Variants in CASS4 observed in about 807,000 individuals in gnomAD.
CASS4 encodes Cas scaffold protein family member 4.
In CASS4, 22 loss-of-function variants were observed where a neutral mutation model predicts 54.2. The observed-to-expected ratio is 0.41, with a 90% CI of 0.29 to 0.58. The LOEUF is 0.58. Ranked by LOEUF, CASS4 falls within the 20% of genes least tolerant of loss-of-function variation. The pLI is 0.36. For synonymous variants in CASS4, 409 were observed against 391.5 expected, an observed-to-expected ratio of 1.04 and a Z score of -0.53; for missense variants, 854 against 986.7, an observed-to-expected ratio of 0.87 and a Z score of 1.80.
At chr20:56,441,705 A>G (rs1308731123) in intron 2 of CASS4, among the ~76,000 whole-genome samples, 1 of 152,152 alleles carries the variant, frequency 6.6e-6, no homozygotes, top group Non-Finnish European at 1.5e-5. Flanking sequence ...GTGCCATCTC[A>G]TTTGGCTTCT....
chr20:56,444,472 G>C (rs1343713316), intron 2 of CASS4, among the ~76,000 whole-genome samples: 8 of 152,140 alleles, frequency 5.3e-5, no homozygotes, highest in Non-Finnish European at 7.3e-5. Flanking sequence ...CCTATATTCA[G>C]ACCTCATTTC....
rs768947672 is a variant in CASS4, at chr20:56,445,892, T to C, written c.460-8T>C. On this transcript the variant is annotated splice_region_variant and splice_polypyrimidine_tract_variant and intron_variant, in intron 2 of 5. Transcript: ENST00000679887. ...CCTTTTCCTCTTTTCTCCTCCTTTC[T>C]CTCCAAGGCCATCCTCACGCTTCCC... is the stretch of plus-strand genomic sequence containing the variant. The C allele has an allele frequency of 6.2e-7, 1 of 1,605,634 alleles. No individual in the cohort carries two copies. The highest frequency in any genetic ancestry group is 2.2e-5 in the East Asian group (1 of 44,842).
Position 56,445,891 on chromosome 20 carries a change from C to G in CASS4, c.460-9C>G. ...TCCTTTTCCTCTTTTCTCCTCCTTT[C>G]TCTCCAAGGCCATCCTCACGCTTCC... On this transcript the variant is annotated splice_polypyrimidine_tract_variant and intron_variant, in intron 2 of 5. Transcript: ENST00000679887. The G allele has an allele frequency of 6.2e-7, 1 of 1,602,690 alleles. No individual in the cohort carries two copies. The highest frequency in any genetic ancestry group is 8.5e-7 in the Non-Finnish European group (1 of 1,170,022).
At chr20:56,440,988 A>ATT (rs751312557) in intron 2 of CASS4, among the ~76,000 whole-genome samples, 8 of 134,912 alleles carry the variant, frequency 5.9e-5, no homozygotes, top group Non-Finnish European at 7.9e-5. Context: ...AAAAAAAAAA[A>ATT]TTTTTTTTTT....
chr20:56,423,718 T>C lies in CASS4; in HGVS notation c.36+11224T>C, dbSNP rs567613648. The stretch of plus-strand genomic sequence containing the variant: ...CACCACCATGCCCGGCTAATTTTTG[T>C]ATTTTTAGTAGAGTCGGGGTTTCAC... On this transcript the variant is annotated intron_variant, in intron 1 of 5. Coordinates refer to ENST00000679887, the MANE Select transcript of CASS4 (RefSeq NM_020356.4). 3.9e-5 allele frequency among the ~76,000 whole-genome samples: 6 copies of C among 152,212 alleles called. No individual in the cohort carries two copies. The East Asian group carries it at 1.2e-3, about 29-fold the overall frequency.
chr20:56,454,943 G>T (rs1325743103), intron 5 of CASS4, among the ~76,000 whole-genome samples: 1 of 152,184 alleles, frequency 6.6e-6, no homozygotes, highest in East Asian at 1.9e-4. Context: ...TGAAAGTGAA[G>T]CATTAACCAT....
At chr20:56,431,583 A>G (rs1416924555) in intron 1 of CASS4, among the ~76,000 whole-genome samples, 1 of 152,220 alleles carries the variant, frequency 6.6e-6, no homozygotes, top group Non-Finnish European at 1.5e-5. Context: ...TCATATATCA[A>G]GAATAAGACT....
Position 56,437,118 on chromosome 20 carries a change from G to A in CASS4, c.37-46G>A. On this transcript the variant is annotated intron_variant, in intron 1 of 5. Coordinates refer to ENST00000679887, the MANE Select transcript of CASS4 (RefSeq NM_020356.4). This position sits in a 1 kb window ranked among gnomAD's most constrained non-coding sequence, Gnocchi z 4.7. ...AGTGGGATTGGAGTAGCAGTCACTG[G>A]CCACGGTGCTAACTGCAAATTCTCT... The A allele has an allele frequency of 6.8e-7, 1 of 1,478,484 alleles. No homozygotes were observed. Among genetic ancestry groups the A allele is most frequent in the Non-Finnish European group, 9.1e-7 (1 of 1,099,778 alleles). The allele number at this position is 1,478,484 out of a possible 1,614,324, so 91.6% of individuals were successfully genotyped here. A position where few individuals can be genotyped will look rare whatever the true frequency, so the allele number is the denominator to read the frequency against.
chr20:56,453,195 A>G, intron 5 of CASS4, 66 bp downstream of exon 5: 1 of 1,156,234 alleles, frequency 8.6e-7, no homozygotes, highest in Non-Finnish European at 1.2e-6. Context: ...GTGGCTACTA[A>G]GATGCTGAGA....
At chr20:56,436,334 A>ATGTG (rs1188295800) in intron 1 of CASS4, among the ~76,000 whole-genome samples, 15 of 138,740 alleles carry the variant, frequency 1.1e-4, no homozygotes, top group Non-Finnish European at 1.9e-4. Flanking sequence ...ATTGCTATAT[A>ATGTG]TATGTGTGTG....
intron 1 of CASS4, among the ~76,000 whole-genome samples, chr20:56,418,714 G>A (rs187555509): frequency 7.4e-4 from 113 of 152,266 alleles, no homozygotes; most frequent in African/African-American, 2.7e-3. Context: ...GTGGGGAGTG[G>A]TTGTGAGCAG....
At chr20:56,424,429 G>A (rs530117301) in intron 1 of CASS4, among the ~76,000 whole-genome samples, 1 of 152,160 alleles carries the variant, frequency 6.6e-6, no homozygotes, top group African/African-American at 2.4e-5. Context: ...TGCAATTCAT[G>A]GGGGAAAAGA....
At chr20:56,426,763 A>G (rs998842238) in intron 1 of CASS4, among the ~76,000 whole-genome samples, 3 of 152,016 alleles carry the variant, frequency 2.0e-5, no homozygotes, top group African/African-American at 7.2e-5. Context: ...TTTTTGGTAG[A>G]GATGAGGTTT....
intron 1 of CASS4, among the ~76,000 whole-genome samples, chr20:56,428,684 T>G (rs1979756396): frequency 6.6e-6 from 1 of 152,218 alleles, no homozygotes; most frequent in South Asian, 2.1e-4. Flanking sequence ...ACCAGCTCTT[T>G]CTGGATTTGC....
chr20:56,418,787 C>T lies in CASS4; in HGVS notation c.36+6293C>T, dbSNP rs2146263212. 1.3e-5 allele frequency among the ~76,000 whole-genome samples: 2 copies of T among 152,304 alleles called. 1 individual carries two copies. Among genetic ancestry groups the T allele is most frequent in the Admixed American group, 1.3e-4 (2 of 15,292 alleles). On this transcript the variant is annotated intron_variant, in intron 1 of 5. Coordinates refer to ENST00000679887, the MANE Select transcript of CASS4 (RefSeq NM_020356.4). ...ATGTGTGTTACGTTTGATTCAGGAA[C>T]ACAATGTACCTTTCATTCCGTCAAC...
intron 1 of CASS4, among the ~76,000 whole-genome samples, chr20:56,422,069 C>T (rs948316254): frequency 5.9e-5 from 9 of 152,198 alleles, no homozygotes; most frequent in African/African-American, 2.2e-4. Context: ...TTACTTGCCT[C>T]CTCCTTCGGT....
Position 56,451,851 on chromosome 20 carries a change from C to A in CASS4, c.675C>A (p.Thr225=). 1 of 1,613,746 alleles carries A rather than the reference C, an allele frequency of 6.2e-7. No homozygotes were observed. Among genetic ancestry groups the A allele is most frequent in the Non-Finnish European group, 8.5e-7 (1 of 1,179,704 alleles). ...GTGTTCCCCTGATATCAGTGACTAC[C>A]TTAAGAAGAGGCGGTTACAGCACAT... is the stretch of plus-strand genomic sequence containing the variant. ...GQGVPLISVT[T]LRRGGYSTLP... Residue 225 remains threonine (T), a synonymous_variant, in exon 5 of 6, where the codon ACC becomes ACA. Transcript: ENST00000679887.
In CASS4 at chr20:56,452,650, G is replaced by C. The variant is rs866071361; in HGVS notation, c.1474G>C (p.Glu492Gln). The C allele has an allele frequency of 6.2e-7, 1 of 1,614,194 alleles. No individual in the cohort carries two copies. Among genetic ancestry groups the C allele is most frequent in the African/African-American group, 1.3e-5 (1 of 75,048 alleles). The part of the protein sequence containing the change: ...STDHIEESVR[E>Q]FLDFARGVHG... ...TGATCACATAGAAGAATCTGTAAGA[G>C]AATTTCTGGATTTTGCCCGAGGAGT... Residue 492 changes from glutamate (E) to glutamine (Q), a missense_variant, in exon 5 of 6, where the codon GAA becomes CAA. Glu to Gln is a conservative substitution (Grantham distance 29, BLOSUM62 2). Coordinates refer to ENST00000679887, the MANE Select transcript of CASS4 (RefSeq NM_020356.4).
intron 1 of CASS4, among the ~76,000 whole-genome samples, chr20:56,427,155 T>C (rs1049911051): frequency 1.5e-5 from 2 of 137,008 alleles, no homozygotes; most frequent in Non-Finnish European, 3.1e-5. Flanking sequence ...CTGGGCAACA[T>C]AGCAAGACCC....
Sources: allele counts gnomAD v4.1 joint callset (sites outside exome capture counted in the v4.1 genomes callset), GRCh38; gene constraint gnomAD v4.1.1; non-coding constraint Gnocchi (gnomAD v3.1); transcripts MANE v1.5; gene names NCBI Gene and HGNC (gene_info 2026-07-23, HGNC 2026-07-21).